The following ZNF670 variants were observed in gnomAD, a reference collection of about 807,000 sequenced individuals.
ZNF670 encodes the protein zinc finger protein 670.
Under a neutral mutation model 10.9 loss-of-function variants are expected in ZNF670, and 7 were observed. The observed-to-expected ratio is 0.64, with a 90% CI of 0.36 to 1.20. ZNF670 has a LOEUF of 1.20. ZNF670 is among the 50% of genes most tolerant of loss of function. The probability of loss-of-function intolerance (pLI) is 0.02; values close to 1 mark genes in which losing one functional copy is unlikely to be tolerated. For missense variants in ZNF670, 446 were observed against 458.6 expected, an observed-to-expected ratio of 0.97 and a Z score of 0.25; for synonymous variants, 136 against 152.7, an observed-to-expected ratio of 0.89 and a Z score of 0.81.
chr1:247,051,505 C>T (rs776562962), intron 1 of ZNF670, among the ~76,000 whole-genome samples: 3 of 152,124 alleles, frequency 2.0e-5, no homozygotes, highest in Non-Finnish European at 4.4e-5. Context: ...ATAGGTTTTC[C>T]TTCCTAGGTT....
intron 1 of ZNF670, among the ~76,000 whole-genome samples, chr1:247,057,323 G>A (rs1670743882): frequency 6.6e-6 from 1 of 152,128 alleles, no homozygotes; most frequent in Admixed American, 6.5e-5. Flanking sequence ...CATTAAAATG[G>A]CTTTTACCAG....
intron 1 of ZNF670, chr1:247,043,371 G>A (rs1339724916): frequency 1.9e-6 from 1 of 540,118 alleles, no homozygotes; most frequent in Non-Finnish European, 3.4e-6. Flanking sequence ...TGTAAAGCAT[G>A]GTCAAGATGT....
chr1:247,051,307 GT>G (rs1670591221), intron 1 of ZNF670, among the ~76,000 whole-genome samples: 1 of 151,936 alleles, frequency 6.6e-6, no homozygotes, highest in Non-Finnish European at 1.5e-5. Flanking sequence ...TGTAGTGCTG[GT>G]TTGGTAGTGG....
chr1:247,040,675 A>ATTTTTATTTTATT (rs377722402), intron 1 of ZNF670, among the ~76,000 whole-genome samples: 1 of 152,120 alleles, frequency 6.6e-6, no homozygotes, highest in Non-Finnish European at 1.5e-5. Flanking sequence ...GCAGGAATTT[A>ATTTTTATTTTATT]TTTTTATTTT....
Position 247,078,722 on chromosome 1 carries a change from G to A in ZNF670, c.-126C>T. On this transcript the variant is annotated 5_prime_UTR_variant, in exon 1 of 4. Coordinates refer to ENST00000366503, the MANE Select transcript of ZNF670 (RefSeq NM_033213.5). ...GATAAGGGGAAGGAGCAGCGGAGAC[G>A]CACCGAGCTCGCCACATTCGCGCTG... 1 of 1,038,860 alleles carries A rather than the reference G, an allele frequency of 9.6e-7. No individual in the cohort carries two copies. Among genetic ancestry groups the A allele is most frequent in the East Asian group, 2.6e-5 (1 of 38,112 alleles). The allele number at this position is 1,038,860 out of a possible 1,614,324, so 64.4% of individuals were successfully genotyped here.
chr1:247,037,564 A>C lies in ZNF670; in HGVS notation c.1055T>G (p.Leu352Arg), dbSNP rs1670188415. Residue 352 changes from leucine to arginine, a missense_variant, in exon 4 of 4, where the codon CTT becomes CGT. Physicochemically the swap from Leu to Arg is moderately radical, Grantham distance 102. Transcript: ENST00000366503. ...CGKSFTSSSA[L>R]RSHERTHTGE... Reference sequence around the variant, plus strand: ...AGTATGAGTCCTTTCATGGCTTCGAAGGGCACTGGAAGAAGTAAACGACTT... The same window carrying C: ...AGTATGAGTCCTTTCATGGCTTCGACGGGCACTGGAAGAAGTAAACGACTT... The C allele has an allele frequency of 3.1e-6, 5 of 1,614,148 alleles. No individual in the cohort carries two copies. Among genetic ancestry groups the C allele is most frequent in the Non-Finnish European group, 4.2e-6 (5 of 1,180,002 alleles).
At chr1:247,042,405 G>T (rs180811946) in intron 1 of ZNF670, among the ~76,000 whole-genome samples, 4 of 152,276 alleles carry the variant, frequency 2.6e-5, no homozygotes. Flanking sequence ...GTTTGGAAAG[G>T]GTAGGAAATT....
Position 247,043,097 on chromosome 1 carries a change from A to G in ZNF670, c.4-3560T>C, listed in dbSNP as rs1199026022. 26 of 1,132,548 alleles carry G rather than the reference A, an allele frequency of 2.3e-5. No individual in the cohort carries two copies. The Admixed American group carries it at 4.7e-4, about 20-fold the overall frequency. The allele number at this position is 1,132,548 out of a possible 1,614,324, so 70.2% of individuals were successfully genotyped here. ...AGGCTGGGAGCTTTCCAGGCTCAGG[A>G]AAAAGAACTGGTGTTTGACACTGAC... On this transcript the variant is annotated intron_variant, in intron 1 of 3. Coordinates refer to ENST00000366503, the MANE Select transcript of ZNF670 (RefSeq NM_033213.5).
At position 247,041,814 on chromosome 1, in the gene ZNF670, G is replaced by C. The variant is rs1242697625; in HGVS notation, c.4-2277C>G. Among the ~76,000 whole-genome samples the C allele has an allele frequency of 2.6e-5, 4 of 152,310 alleles. No individual in the cohort carries two copies. In the East Asian group the frequency reaches 7.7e-4, roughly 29 times the overall value. The stretch of plus-strand genomic sequence containing the variant: ...GGCACTAGCATGTGTGAAACATACT[G>C]ACACAAGGAAATCACCAATAAACCT... On this transcript the variant is annotated intron_variant, in intron 1 of 3. Transcript: ENST00000366503.
chr1:247,052,648 G>A (rs989577126), intron 1 of ZNF670, among the ~76,000 whole-genome samples: 5 of 152,174 alleles, frequency 3.3e-5, no homozygotes, highest in Admixed American at 2.6e-4. Context: ...ACAGGTGGTG[G>A]AATTAGCAGT....
chr1:247,070,410 G>A (rs147649357), intron 1 of ZNF670, among the ~76,000 whole-genome samples: 3,936 of 152,266 alleles, frequency 0.026, 193 homozygotes, highest in African/African-American at 0.089. Flanking sequence ...GGCAGAGCTC[G>A]CAGTGAGCCG....
chr1:247,067,620 A>C (rs1671016280), intron 1 of ZNF670, among the ~76,000 whole-genome samples: 1 of 146,028 alleles, frequency 6.8e-6, no homozygotes, highest in Admixed American at 6.8e-5. Context: ...AGGCGGGCGG[A>C]TCACGAGGTC....
rs1670196253 is a variant in ZNF670, at chr1:247,037,803, T to C, written c.816A>G (p.Glu272=). The change falls in exon 4 of 4, where the codon GAA becomes GAG. Residue 272 remains glutamate (E), a synonymous_variant. Transcript: ENST00000366503. ...AGGGTTTTTCTCCAGTATGCGTTCT[T>C]TCATGTATTCCCAAGTAAGTGGAAC... ...FSRSTYLGIH[E]RTHTGEKPYE... is the part of the protein sequence containing the mutation. 6.2e-7 allele frequency: 1 copy of C among 1,613,330 alleles called. No homozygotes were observed. Among genetic ancestry groups the C allele is most frequent in the African/African-American group, 1.3e-5 (1 of 74,876 alleles).
rs756676461 is a variant in ZNF670 at position 247,034,717 on chromosome 1, C to G, written c.*2732G>C. ...ATGGGGACATTCTTCCTTTCTGCAA[C>G]TTCACACACACAAAATCCCTGGAGC... On this transcript the variant is annotated 3_prime_UTR_variant, in exon 4 of 4. Transcript: ENST00000366503. Among the ~76,000 whole-genome samples, 1 of 152,218 alleles carries G rather than the reference C, an allele frequency of 6.6e-6. No homozygotes were observed. Among genetic ancestry groups the G allele is most frequent in the African/African-American group, 2.4e-5 (1 of 41,454 alleles).
At chr1:247,052,669 T>C (rs968567463) in intron 1 of ZNF670, among the ~76,000 whole-genome samples, 3 of 152,218 alleles carry the variant, frequency 2.0e-5, no homozygotes, top group African/African-American at 7.2e-5. Context: ...TGTTTACTGC[T>C]TTCTTGGAGC....
intron 1 of ZNF670, among the ~76,000 whole-genome samples, chr1:247,046,264 G>A (rs1183661483): frequency 2.0e-5 from 3 of 152,162 alleles, no homozygotes; most frequent in Admixed American, 6.5e-5. Flanking sequence ...CAGCCATGAG[G>A]CTAAGAAAAA....
chr1:247,040,392 T>C (rs1013406396), intron 1 of ZNF670, among the ~76,000 whole-genome samples: 1 of 152,210 alleles, frequency 6.6e-6, no homozygotes, highest in Non-Finnish European at 1.5e-5. Flanking sequence ...AGATAGTACG[T>C]GTGCTTAGAA....
rs1427212989 is a variant in ZNF670, at chr1:247,068,056, C to T, written c.3+10538G>A. 9.3e-5 allele frequency among the ~76,000 whole-genome samples: 14 copies of T among 150,438 alleles called. 2 individuals carry two copies. The highest frequency in any genetic ancestry group is 3.0e-4 in the African/African-American group (12 of 39,932). On this transcript the variant is annotated intron_variant, in intron 1 of 3. Transcript: ENST00000366503. ...GGGCAAGGCTGGGCGCAGCGGCTCACGCCTGTAATCCCAGCACTTTGAGAG... is the reference window on the plus strand; with the variant it reads ...GGGCAAGGCTGGGCGCAGCGGCTCATGCCTGTAATCCCAGCACTTTGAGAG...
intron 1 of ZNF670, among the ~76,000 whole-genome samples, chr1:247,072,397 C>T (rs1298728217): frequency 6.6e-5 from 10 of 151,666 alleles, no homozygotes; most frequent in Non-Finnish European, 1.3e-4. Context: ...TCAAGTGATC[C>T]GCCCACATCA....
Sources: gnomAD v4.1 joint callset for allele counts (sites outside exome capture counted in the v4.1 genomes callset) on GRCh38, gnomAD v4.1.1 for gene constraint, MANE v1.5 for transcripts, NCBI Gene and HGNC (gene_info 2026-07-23, HGNC 2026-07-21) for gene names.